Variants in DUS2 observed in about 807,000 individuals in gnomAD.
DUS2 encodes dihydrouridine synthase 2, also known as tRNA-dihydrouridine(20) synthase [NAD(P)+]-like.
DUS2 carries 52 observed loss-of-function variants against 71.3 expected under a neutral mutation model. That is an observed-to-expected ratio of 0.73 (90% confidence interval 0.58 to 0.92). The LOEUF (loss-of-function observed/expected upper bound fraction) is 0.92. DUS2 is among the 40% of genes least tolerant of loss of function. DUS2 has a pLI of 0.00. For synonymous variants in DUS2, 204 were observed against 227.8 expected (o/e 0.90, Z 0.94); for missense variants, 558 against 622.6 (o/e 0.90, Z 1.10).
intron 7 of DUS2, among the ~76,000 whole-genome samples, chr16:68,060,728 A>G (rs1290575423): frequency 6.6e-6 from 1 of 152,140 alleles, no homozygotes; most frequent in Non-Finnish European, 1.5e-5. Context: ...CATGCCTGCA[A>G]TCCTGGCTAC....
chr16:68,078,714 C>A, intron 16 of DUS2, 35 bp from the exon 17 acceptor site: 2 of 1,580,520 alleles, frequency 1.3e-6, no homozygotes, highest in African/African-American at 1.3e-5. Context: ...AGCCCTGCAC[C>A]CTGCCCCTCA....
At chr16:68,030,944 A>G (rs1463604086) in intron 2 of DUS2, among the ~76,000 whole-genome samples, 1 of 151,962 alleles carries the variant, frequency 6.6e-6, no homozygotes, top group Admixed American at 6.6e-5. Flanking sequence ...GGATCTTGCT[A>G]TGTTGCCCAG....
At position 68,079,183 on chromosome 16, in the gene DUS2, A is replaced by G; in HGVS notation, c.*197A>G. ...GATCCTGGCCCCTTTGGTGGATCTG[A>G]GTGACAGGGTCAAGTTCTCTTTGAA... On this transcript the variant is annotated 3_prime_UTR_variant, in exon 17 of 17. Coordinates refer to ENST00000565263, the MANE Select transcript of DUS2 (RefSeq NM_017803.5). 2.1e-6 allele frequency: 1 copy of G among 465,366 alleles called. No individual in the cohort carries two copies. Among genetic ancestry groups the G allele is most frequent in the Admixed American group, 3.8e-5 (1 of 26,416 alleles). The allele number at this position is 465,366 out of a possible 1,614,324, so 28.8% of individuals were successfully genotyped here. A position where few individuals can be genotyped will look rare whatever the true frequency, so the allele number is the denominator to read the frequency against.
chr16:68,066,757 C>T lies in DUS2; in HGVS notation c.554+121C>T, dbSNP rs1016953640. The T allele has an allele frequency of 8.3e-6, 8 of 960,188 alleles. No homozygotes were observed. The African/African-American group carries it at 1.1e-4, about 14-fold the overall frequency. 59.5% of individuals were successfully genotyped at this position (960,188 alleles called of 1,614,324 possible). On this transcript the variant is annotated intron_variant, in intron 10 of 16. Coordinates refer to ENST00000565263, the MANE Select transcript of DUS2 (RefSeq NM_017803.5). ...TCTCTTCTACATATTCAGCCTACCT[C>T]TGCCTAGCTCTTTGATATCTTATGA...
At chr16:68,036,678 G>A (rs1175086338) in intron 2 of DUS2, among the ~76,000 whole-genome samples, 1 of 152,208 alleles carries the variant, frequency 6.6e-6, no homozygotes, top group Non-Finnish European at 1.5e-5. Context: ...GACTTCAAGT[G>A]ATCCACCCAC....
Position 68,075,413 on chromosome 16 carries a change from C to G in DUS2, c.991C>G (p.Gln331Glu). 6.2e-7 allele frequency: 1 copy of G among 1,613,762 alleles called. No homozygotes were observed. Among genetic ancestry groups the G allele is most frequent in the Middle Eastern group, 1.7e-4 (1 of 6,060 alleles). Reference protein sequence around the residue: ...EETTQELDAQQARLSAKTSEQ... With the variant: ...EETTQELDAQEARLSAKTSEQ... ...GACCACACAGGAGCTGGATGCCCAG[C>G]AGGCCAGGCTCTCAGCCAAGACTTC... Residue 331 changes from glutamine (Q) to glutamate (E), a missense_variant, in exon 14 of 17, where the codon CAG (glutamine) becomes GAG (glutamate). Coordinates refer to ENST00000565263, the MANE Select transcript of DUS2 (RefSeq NM_017803.5).
chr16:68,059,510 C>T (rs2033909442), intron 7 of DUS2, among the ~76,000 whole-genome samples: 1 of 152,122 alleles, frequency 6.6e-6, no homozygotes, highest in East Asian at 1.9e-4. Context: ...TCCTCAAGGC[C>T]TTCAAGGTTT....
intron 13 of DUS2, among the ~76,000 whole-genome samples, chr16:68,075,107 C>T (rs985402666): frequency 2.0e-5 from 3 of 152,304 alleles, no homozygotes; most frequent in Admixed American, 2.0e-4. Flanking sequence ...TGGGGGTGAC[C>T]TTTACAACCT....
intron 10 of DUS2, among the ~76,000 whole-genome samples, chr16:68,067,676 T>G (rs1398645826): frequency 1.3e-5 from 2 of 151,788 alleles, no homozygotes; most frequent in East Asian, 3.9e-4. Context: ...TGTTGTTGTT[T>G]TTTGAGACAG....
intron 6 of DUS2, among the ~76,000 whole-genome samples, 157 bp downstream of exon 6, chr16:68,054,774 G>A (rs1396635427): frequency 2.0e-5 from 3 of 152,272 alleles, no homozygotes; most frequent in Middle Eastern, 3.4e-3. Context: ...GCCAGGTGCG[G>A]TGGCTCATGC....
Position 68,074,065 on chromosome 16 carries a change from C to T in DUS2, c.842C>T (p.Thr281Ile). The T allele has an allele frequency of 6.2e-7, 1 of 1,614,222 alleles. No individual in the cohort carries two copies. ...AVQYDNHYTNTKYCLCQMLRE... is the reference protein window; with the variant it reads ...AVQYDNHYTNIKYCLCQMLRE... ...CAGTATGACAACCACTACACCAACA[C>T]CAAGTACTGCTTGTGCCAGATGCTA... The change falls in exon 13 of 17, where the codon ACC (threonine) becomes ATC (isoleucine). Residue 281 changes from threonine (T) to isoleucine (I), a missense_variant. Thr to Ile is a moderately conservative substitution (Grantham distance 89). Transcript: ENST00000565263.
intron 7 of DUS2, among the ~76,000 whole-genome samples, chr16:68,060,404 C>T (rs1281697097): frequency 6.6e-6 from 1 of 152,058 alleles, no homozygotes; most frequent in African/African-American, 2.4e-5. Context: ...ACCTCCACCT[C>T]CTGGGTTCAA....
intron 3 of DUS2, among the ~76,000 whole-genome samples, chr16:68,041,847 A>T (rs1394621686): frequency 1.3e-5 from 2 of 151,762 alleles, no homozygotes; most frequent in African/African-American, 4.8e-5. Context: ...AGTGATTTTT[A>T]AAAGTTTTTT....
intron 7 of DUS2, among the ~76,000 whole-genome samples, chr16:68,057,741 C>G (rs1317538359): frequency 6.6e-6 from 1 of 151,746 alleles, no homozygotes; most frequent in Non-Finnish European, 1.5e-5. Flanking sequence ...ATTAGCTGGG[C>G]GTGGTGGTGT....
intron 4 of DUS2, among the ~76,000 whole-genome samples, chr16:68,050,512 G>T (rs1217683520): frequency 1.4e-4 from 21 of 152,116 alleles, no homozygotes; most frequent in Admixed American, 1.4e-3. Flanking sequence ...CCTAGAAAAT[G>T]AAAATCCTCC....
chr16:68,057,608 G>T (rs1166582458), intron 7 of DUS2, among the ~76,000 whole-genome samples: 7 of 151,740 alleles, frequency 4.6e-5, no homozygotes, highest in African/African-American at 1.7e-4. Context: ...GGCCAGGCCT[G>T]GTGGCTCATG....
intron 2 of DUS2, among the ~76,000 whole-genome samples, chr16:68,032,071 A>G (rs2033448755): frequency 6.6e-6 from 1 of 152,210 alleles, no homozygotes; most frequent in South Asian, 2.1e-4. Flanking sequence ...ATTGGAAATG[A>G]GTGACTAAAG....
intron 10 of DUS2, among the ~76,000 whole-genome samples, chr16:68,067,073 TTCCC>T (rs1333339219): frequency 1.3e-5 from 1 of 74,562 alleles, no homozygotes; most frequent in African/African-American, 5.9e-5. Flanking sequence ...CCTTCCTTCC[TTCCC>T]TCCCTCCCTC....
In DUS2 at chr16:68,043,518, T is replaced by G. The variant is rs535710502; in HGVS notation, c.126+5369T>G. Among the ~76,000 whole-genome samples, 58 of 152,152 alleles carry G rather than the reference T, an allele frequency of 3.8e-4. No homozygotes were observed. The South Asian group carries it at 0.011, about 30-fold the overall frequency. ...CTAATGGGTATGAGGTGATATTTCATTGTGGTTTATTTCTCTGATTAGTGA... is the reference window on the plus strand; with the variant it reads ...CTAATGGGTATGAGGTGATATTTCAGTGTGGTTTATTTCTCTGATTAGTGA... On this transcript the variant is annotated intron_variant, in intron 3 of 16. Transcript: ENST00000565263.
Sources: gnomAD v4.1 joint callset for allele counts (sites outside exome capture counted in the v4.1 genomes callset) on GRCh38, gnomAD v4.1.1 for gene constraint, MANE v1.5 for transcripts, NCBI Gene and HGNC (gene_info 2026-07-23, HGNC 2026-07-21) for gene names.